ANO6: variants seen among roughly 807,000 people sequenced by gnomAD.
The protein encoded by ANO6 is anoctamin-6.
A neutral mutation model predicts 117.5 loss-of-function variants in ANO6; 106 were observed. That is an observed-to-expected ratio of 0.90 (90% CI 0.77 to 1.06). The LOEUF (loss-of-function observed/expected upper bound fraction) is 1.06. ANO6 is among the 50% of genes least tolerant of loss of function. The pLI is 0.00. For missense variants in ANO6, 955 were observed against 1,121.1 expected (o/e 0.85, Z 2.12); for synonymous variants, 367 against 385.1 (o/e 0.95, Z 0.55).
chr12:45,330,509 A>C (rs1940628102), intron 2 of ANO6, among the ~76,000 whole-genome samples: 1 of 152,136 alleles, frequency 6.6e-6, no homozygotes, highest in South Asian at 2.1e-4. Context: ...GTGTGAGAAC[A>C]CAAATTCAAA....
intron 10 of ANO6, among the ~76,000 whole-genome samples, chr12:45,380,331 G>A (rs954211555): frequency 6.6e-6 from 1 of 152,164 alleles, no homozygotes; most frequent in African/African-American, 2.4e-5. Context: ...AGACTTGGCT[G>A]CATGACTGCA....
At chr12:45,256,150 A>G (rs926969461) in intron 1 of ANO6, among the ~76,000 whole-genome samples, 8 of 152,110 alleles carry the variant, frequency 5.3e-5, no homozygotes, top group African/African-American at 1.7e-4. Flanking sequence ...AAGTGACTGC[A>G]TCTCTTTTTA....
intron 11 of ANO6, 146 bp downstream of exon 11, chr12:45,388,449 G>A (rs1942358823): frequency 4.7e-6 from 5 of 1,073,054 alleles, no homozygotes; most frequent in South Asian, 2.7e-5. Flanking sequence ...TAGTAACCTG[G>A]GGGTATTCTG....
intron 16 of ANO6, among the ~76,000 whole-genome samples, chr12:45,413,465 C>T (rs1046875174): frequency 6.6e-6 from 1 of 152,180 alleles, no homozygotes; most frequent in African/African-American, 2.4e-5. Context: ...AAGGCAATGT[C>T]CATTAGAAAG....
intron 2 of ANO6, among the ~76,000 whole-genome samples, chr12:45,328,848 C>T (rs989145993): frequency 1.3e-5 from 2 of 152,070 alleles, no homozygotes; most frequent in Non-Finnish European, 1.5e-5. Flanking sequence ...ATTTGCACAT[C>T]AGTTACAATT....
intron 13 of ANO6, among the ~76,000 whole-genome samples, chr12:45,402,592 A>G (rs1565754124): frequency 6.6e-6 from 1 of 152,248 alleles, no homozygotes; most frequent in Non-Finnish European, 1.5e-5. Context: ...AAAATGATCA[A>G]ACTGATGCAA....
intron 1 of ANO6, among the ~76,000 whole-genome samples, chr12:45,275,229 G>A (rs1938516262): frequency 6.6e-6 from 1 of 151,818 alleles, no homozygotes; most frequent in South Asian, 2.1e-4. Flanking sequence ...TTTATTTTTT[G>A]AGATGGAATC....
At chr12:45,325,177 A>T (rs1007586572) in intron 2 of ANO6, among the ~76,000 whole-genome samples, 3 of 152,204 alleles carry the variant, frequency 2.0e-5, no homozygotes, top group Admixed American at 2.0e-4. Flanking sequence ...AATCATAAAG[A>T]ATCTGGTTGT....
intron 9 of ANO6, among the ~76,000 whole-genome samples, chr12:45,370,743 T>G (rs1462010765): frequency 7.2e-5 from 11 of 152,210 alleles, no homozygotes; most frequent in Non-Finnish European, 1.5e-5. Context: ...TTGAAATATG[T>G]GGTCTTATGG....
chr12:45,370,264 G>A (rs552553878), intron 9 of ANO6, among the ~76,000 whole-genome samples: 69 of 152,270 alleles, frequency 4.5e-4, no homozygotes, highest in Non-Finnish European at 6.9e-4. Flanking sequence ...TTTCTCAAGC[G>A]TCCAGGATTC....
At chr12:45,283,278 A>C (rs549049122) in intron 1 of ANO6, among the ~76,000 whole-genome samples, 1 of 152,322 alleles carries the variant, frequency 6.6e-6, no homozygotes, top group South Asian at 2.1e-4. Flanking sequence ...AGCATGAAAA[A>C]TGTTGACAAA....
At chr12:45,350,827 A>G (rs1349955175) in intron 7 of ANO6, 53 bp downstream of exon 7, 1 of 1,383,366 alleles carries the variant, frequency 7.2e-7, no homozygotes, top group Non-Finnish European at 1.0e-6. Flanking sequence ...TGTTACCCCC[A>G]CAGCATCTGA....
At chr12:45,264,778 C>T (rs1421483527) in intron 1 of ANO6, among the ~76,000 whole-genome samples, 1 of 152,140 alleles carries the variant, frequency 6.6e-6, no homozygotes, top group Non-Finnish European at 1.5e-5. Flanking sequence ...GTGCTATTAT[C>T]TTCAGTTGAA....
At chr12:45,420,227 A>T (rs1005972604) in intron 17 of ANO6, among the ~76,000 whole-genome samples, 1 of 152,196 alleles carries the variant, frequency 6.6e-6, no homozygotes, top group Non-Finnish European at 1.5e-5. Context: ...TTAAATTTAG[A>T]TCAAGGAAAA....
intron 10 of ANO6, among the ~76,000 whole-genome samples, chr12:45,383,992 T>G (rs941795929): frequency 4.3e-4 from 65 of 152,344 alleles, no homozygotes; most frequent in African/African-American, 1.3e-3. Context: ...GGGAGGCTAT[T>G]TCATCTACCT....
rs141028339 is a variant in ANO6, at chr12:45,322,048, C to T, written c.151-9247C>T. 9.2e-5 allele frequency among the ~76,000 whole-genome samples: 14 copies of T among 152,162 alleles called. No homozygotes were observed. In the East Asian group the frequency reaches 2.5e-3, roughly 27 times the overall value. ...TTGTGCTAAGGTGCTGGCAGTTTTACCCACCATGACTTTTGCACCATCATT... is the reference window on the plus strand; with the variant it reads ...TTGTGCTAAGGTGCTGGCAGTTTTATCCACCATGACTTTTGCACCATCATT... On this transcript the variant is annotated intron_variant, in intron 2 of 19. Coordinates refer to ENST00000320560, the MANE Select transcript of ANO6 (RefSeq NM_001025356.3).
intron 1 of ANO6, among the ~76,000 whole-genome samples, chr12:45,269,440 C>T (rs1368411350): frequency 6.6e-6 from 1 of 152,176 alleles, no homozygotes; most frequent in Non-Finnish European, 1.5e-5. Flanking sequence ...GTAAATATTT[C>T]TGAGGCTTTG....
At chr12:45,218,939 A>T (rs1342047509) in intron 1 of ANO6, among the ~76,000 whole-genome samples, 1 of 152,066 alleles carries the variant, frequency 6.6e-6, no homozygotes, top group African/African-American at 2.4e-5. Flanking sequence ...TATAATTCAG[A>T]CTGGGAGAAT....
intron 6 of ANO6, among the ~76,000 whole-genome samples, chr12:45,348,927 A>G (rs1252425214): frequency 6.6e-6 from 1 of 152,192 alleles, no homozygotes; most frequent in African/African-American, 2.4e-5. Flanking sequence ...TTCTGAGACC[A>G]AAATGCCTGC....
Sources: gnomAD v4.1 joint callset for allele counts (sites outside exome capture counted in the v4.1 genomes callset) on GRCh38, gnomAD v4.1.1 for gene constraint, MANE v1.5 for transcripts, NCBI Gene and HGNC (gene_info 2026-07-23, HGNC 2026-07-21) for gene names.